The following CLSTN2 variants were observed in gnomAD, a reference collection of about 807,000 sequenced individuals.
CLSTN2 encodes calsyntenin-2.
A neutral mutation model predicts 101.2 loss-of-function variants in CLSTN2; 48 were observed. The observed-to-expected ratio is 0.47, with a 90% CI of 0.38 to 0.60. The LOEUF (loss-of-function observed/expected upper bound fraction) is 0.60. Among genes scored for constraint, CLSTN2 ranks in the 20% least tolerant of loss-of-function variants. The pLI is 0.00. For synonymous variants in CLSTN2, 481 were observed against 463.6 expected, an observed-to-expected ratio of 1.04 and a Z score of -0.48; for missense variants, 1,160 against 1,238.2, an observed-to-expected ratio of 0.94 and a Z score of 0.95.
At chr3:140,017,706 G>C (rs569928865) in intron 1 of CLSTN2, among the ~76,000 whole-genome samples, 2 of 152,330 alleles carry the variant, frequency 1.3e-5, no homozygotes, top group African/African-American at 4.8e-5. Flanking sequence ...AGGGGAGGGA[G>C]ATGACATTCT....
At chr3:140,268,780 T>C (rs754737003) in intron 2 of CLSTN2, among the ~76,000 whole-genome samples, 4 of 152,144 alleles carry the variant, frequency 2.6e-5, no homozygotes, top group Non-Finnish European at 5.9e-5. Flanking sequence ...TGGCAGTATA[T>C]AATCTGTGTC....
At chr3:140,113,009 A>T (rs1489358692) in intron 1 of CLSTN2, among the ~76,000 whole-genome samples, 3 of 152,062 alleles carry the variant, frequency 2.0e-5, no homozygotes, top group African/African-American at 7.2e-5. Flanking sequence ...CATCCTTCTG[A>T]TGGCTGCCTT....
chr3:140,218,536 T>A (rs1025659945), intron 2 of CLSTN2, among the ~76,000 whole-genome samples: 1 of 152,140 alleles, frequency 6.6e-6, no homozygotes, highest in African/African-American at 2.4e-5. Context: ...TGTGACCCCC[T>A]GTTGTTAGAT....
At chr3:140,248,366 A>T (rs1172354031) in intron 2 of CLSTN2, among the ~76,000 whole-genome samples, 45 of 152,194 alleles carry the variant, frequency 3.0e-4, no homozygotes, top group Non-Finnish European at 1.5e-5. Flanking sequence ...GTCTGCAGAG[A>T]GGCAGCAGCT....
chr3:140,176,122 G>C (rs1228722349), intron 2 of CLSTN2, 49 bp downstream of exon 2: 1 of 1,604,862 alleles, frequency 6.2e-7, no homozygotes, highest in South Asian at 1.1e-5. Flanking sequence ...TTGAAGATGT[G>C]CTGTGAAACC....
intron 2 of CLSTN2, among the ~76,000 whole-genome samples, chr3:140,345,422 G>A (rs1415783660): frequency 6.6e-6 from 1 of 151,370 alleles, no homozygotes; most frequent in Non-Finnish European, 1.5e-5. Flanking sequence ...CTAATTTTTT[G>A]TATCTTTAGT....
At chr3:140,054,679 A>T (rs1353508231) in intron 1 of CLSTN2, among the ~76,000 whole-genome samples, 1 of 152,210 alleles carries the variant, frequency 6.6e-6, no homozygotes, top group African/African-American at 2.4e-5. Flanking sequence ...CATGTATAGG[A>T]CAAGCCACTG....
chr3:140,355,709 C>A (rs1385919764), intron 2 of CLSTN2, among the ~76,000 whole-genome samples: 2 of 152,164 alleles, frequency 1.3e-5, no homozygotes, highest in Non-Finnish European at 1.5e-5. Flanking sequence ...GCTCATAGCA[C>A]CTCGCATTCC....
intron 2 of CLSTN2, among the ~76,000 whole-genome samples, chr3:140,237,090 TTA>T (rs1253038034): frequency 4.5e-4 from 68 of 152,216 alleles, no homozygotes; most frequent in African/African-American, 1.6e-3. Context: ...ATAGTGAACT[TTA>T]TGTTGTTTAG....
intron 1 of CLSTN2, among the ~76,000 whole-genome samples, chr3:139,982,159 C>T (rs9835073): frequency 0.33 from 49,869 of 151,946 alleles, 10,117 homozygotes; most frequent in Non-Finnish European, 0.46. Flanking sequence ...AATTAAAATA[C>T]ACAACTAATT....
intron 1 of CLSTN2, among the ~76,000 whole-genome samples, chr3:140,172,516 A>T (rs2010255637): frequency 6.6e-6 from 1 of 152,190 alleles, no homozygotes; most frequent in Non-Finnish European, 1.5e-5. Context: ...TCTACTCTTC[A>T]TTAGTACCTG....
In CLSTN2 at chr3:140,089,628, T is replaced by G. The variant is rs568701851; in HGVS notation, c.110-86323T>G. Among the ~76,000 whole-genome samples, 410 of 143,482 alleles carry G rather than the reference T, an allele frequency of 2.9e-3. 1 individual carries two copies. The highest frequency in any genetic ancestry group is 9.9e-3 in the African/African-American group (388 of 39,036). The allele number at this position is 143,482 out of a possible 152,430, so 94.1% of individuals were successfully genotyped here. A position where few individuals can be genotyped will look rare whatever the true frequency, so the allele number is the denominator to read the frequency against. On this transcript the variant is annotated intron_variant, in intron 1 of 16. Coordinates refer to ENST00000458420, the MANE Select transcript of CLSTN2 (RefSeq NM_022131.3). ...TATTTATTTATTTATTTATTTATTTTTGAGACTGGGTCTTGCTCCCATTGT... is the reference window on the plus strand; with the variant it reads ...TATTTATTTATTTATTTATTTATTTGTGAGACTGGGTCTTGCTCCCATTGT...
chr3:140,575,006 A>C lies in CLSTN2; in HGVS notation c.*8753A>C, dbSNP rs1415763182. ...TGGCAAAAGTGCATCCATCCTGGCC[A>C]ATATAGAACACTCACATCTGGAGCC... On this transcript the variant is annotated 3_prime_UTR_variant, in exon 17 of 17. Transcript: ENST00000458420. 1.3e-5 allele frequency: 2 copies of C among 152,218 alleles called. No homozygotes were observed. The highest frequency in any genetic ancestry group is 3.8e-4 in the East Asian group (2 of 5,196). 9.4% of individuals were successfully genotyped at this position (152,218 alleles called of 1,614,324 possible).
chr3:140,141,225 A>C (rs921779622), intron 1 of CLSTN2, among the ~76,000 whole-genome samples: 1 of 152,246 alleles, frequency 6.6e-6, no homozygotes, highest in Non-Finnish European at 1.5e-5. Flanking sequence ...TTTAATGCCC[A>C]GTCCCTGGAC....
At chr3:140,339,876 T>C (rs2087475103) in intron 2 of CLSTN2, among the ~76,000 whole-genome samples, 1 of 152,224 alleles carries the variant, frequency 6.6e-6, no homozygotes, top group Non-Finnish European at 1.5e-5. Context: ...CAACACTGCC[T>C]TATGCAGGAA....
chr3:140,104,896 T>C (rs1209409049), intron 1 of CLSTN2, among the ~76,000 whole-genome samples: 1 of 152,240 alleles, frequency 6.6e-6, no homozygotes, highest in Non-Finnish European at 1.5e-5. Context: ...AAGAATCACT[T>C]GAGCTTCAGA....
At position 140,389,971 on chromosome 3, in the gene CLSTN2, T is replaced by A. The variant is rs115727347; in HGVS notation, c.233-13658T>A. ...CCTCTTAAAAAGAGTTAAAAACCAT[T>A]CTTTCCTCTATTTTCTAAAAACAAA... On this transcript the variant is annotated intron_variant, in intron 2 of 16. Coordinates refer to ENST00000458420, the MANE Select transcript of CLSTN2 (RefSeq NM_022131.3). Among the ~76,000 whole-genome samples the A allele has an allele frequency of 6.5e-3, 990 of 152,306 alleles. 8 individuals are homozygous for A. The highest frequency in any genetic ancestry group is 0.022 in the African/African-American group (924 of 41,556).
chr3:140,527,920 G>C (rs1047375331), intron 8 of CLSTN2, among the ~76,000 whole-genome samples: 8 of 152,150 alleles, frequency 5.3e-5, no homozygotes, highest in African/African-American at 1.7e-4. Context: ...CTAATAGATG[G>C]GGGAGGGAAA....
intron 1 of CLSTN2, among the ~76,000 whole-genome samples, chr3:140,057,865 G>A (rs2008125049): frequency 6.6e-6 from 1 of 152,168 alleles, no homozygotes; most frequent in Non-Finnish European, 1.5e-5. Flanking sequence ...TAACATTAGA[G>A]ATTTAAGCAG....
Sources: allele counts gnomAD v4.1 joint callset (sites outside exome capture counted in the v4.1 genomes callset), GRCh38; gene constraint gnomAD v4.1.1; transcripts MANE v1.5; gene names NCBI Gene and HGNC (gene_info 2026-07-23, HGNC 2026-07-21).